SGCZ: variants seen among roughly 807,000 people sequenced by gnomAD.
SGCZ encodes the protein sarcoglycan zeta, also known as zeta-sarcoglycan.
In SGCZ, 40 loss-of-function variants were observed where a neutral mutation model predicts 41.3. The ratio of observed to expected loss-of-function variants is 0.97; its 90% CI spans 0.75 to 1.26. SGCZ has a LOEUF of 1.26. Among genes scored for constraint, SGCZ ranks in the 50% most tolerant of loss-of-function variants. The probability of loss-of-function intolerance (pLI) is 0.00; values close to 1 mark genes in which losing one functional copy is unlikely to be tolerated. For missense variants in SGCZ, 552 were observed against 369.8 expected (o/e 1.49, Z -4.04); for synonymous variants, 206 against 137.5 (o/e 1.50, Z -3.49).
intron 1 of SGCZ, among the ~76,000 whole-genome samples, chr8:14,798,899 C>T (rs893494130): frequency 6.7e-5 from 10 of 149,646 alleles, no homozygotes; most frequent in African/African-American, 2.5e-4. Context: ...TAATATGTTA[C>T]ATAATTAATA....
chr8:14,954,312 T>G (rs1012390768), intron 1 of SGCZ, among the ~76,000 whole-genome samples: 5 of 152,182 alleles, frequency 3.3e-5, no homozygotes, highest in African/African-American at 1.2e-4. Context: ...GATCAAAGAT[T>G]TGGAATTACA....
chr8:14,110,465 A>G (rs1802338167), intron 5 of SGCZ, among the ~76,000 whole-genome samples: 1 of 152,200 alleles, frequency 6.6e-6, no homozygotes, highest in Non-Finnish European at 1.5e-5. Context: ...AGTGAGAATT[A>G]AAAACTGATA....
At chr8:14,361,791 C>G (rs1205860031) in intron 2 of SGCZ, among the ~76,000 whole-genome samples, 1 of 152,176 alleles carries the variant, frequency 6.6e-6, no homozygotes. Context: ...AGCCTTTCTG[C>G]TCTGGTTTCT....
intron 1 of SGCZ, among the ~76,000 whole-genome samples, chr8:15,076,353 A>T (rs1440273988): frequency 6.6e-6 from 1 of 152,186 alleles, no homozygotes; most frequent in Non-Finnish European, 1.5e-5. Context: ...GAGACAGAGC[A>T]AGGGGGTAGC....
At chr8:14,850,821 C>A (rs1379313918) in intron 1 of SGCZ, among the ~76,000 whole-genome samples, 6 of 152,082 alleles carry the variant, frequency 3.9e-5, no homozygotes, top group Non-Finnish European at 7.4e-5. Context: ...AAAAGAGGAT[C>A]TTTTGCTTCA....
At chr8:15,005,736 T>C (rs1005079753) in intron 1 of SGCZ, among the ~76,000 whole-genome samples, 7 of 152,092 alleles carry the variant, frequency 4.6e-5, no homozygotes, top group African/African-American at 1.7e-4. Context: ...AGAAGCAAAT[T>C]GAACCTTAGC....
intron 1 of SGCZ, among the ~76,000 whole-genome samples, chr8:14,926,537 T>G (rs1014260845): frequency 6.6e-6 from 1 of 152,222 alleles, no homozygotes; most frequent in African/African-American, 2.4e-5. Flanking sequence ...AAATTGTATT[T>G]CACCATCCTG....
chr8:14,623,301 A>T (rs1006486324), intron 1 of SGCZ, among the ~76,000 whole-genome samples: 1 of 152,220 alleles, frequency 6.6e-6, no homozygotes, highest in African/African-American at 2.4e-5. Context: ...AGTTTGCACC[A>T]AAACAAAATT....
chr8:14,255,708 G>A (rs1799439280), intron 3 of SGCZ, among the ~76,000 whole-genome samples: 1 of 152,030 alleles, frequency 6.6e-6, no homozygotes, highest in Admixed American at 6.6e-5. Flanking sequence ...ATTAATGAAT[G>A]AAAGAGGTTC....
intron 1 of SGCZ, among the ~76,000 whole-genome samples, chr8:14,985,765 T>C (rs188746158): frequency 6.4e-4 from 97 of 152,274 alleles, no homozygotes; most frequent in African/African-American, 2.2e-3. Flanking sequence ...TGAAGAACAT[T>C]CTGTGAAACA....
chr8:15,216,959 T>C (rs1801424071), intron 1 of SGCZ, among the ~76,000 whole-genome samples: 1 of 152,124 alleles, frequency 6.6e-6, no homozygotes, highest in Admixed American at 6.5e-5. Flanking sequence ...GGGTAAAGAA[T>C]CTTACCATCA....
intron 1 of SGCZ, among the ~76,000 whole-genome samples, chr8:14,605,216 A>G (rs1388579327): frequency 6.6e-6 from 1 of 152,136 alleles, no homozygotes; most frequent in East Asian, 1.9e-4. Context: ...ATTAAAAATT[A>G]CGTCTAGTAC....
intron 2 of SGCZ, among the ~76,000 whole-genome samples, chr8:14,403,363 G>A (rs1799129715): frequency 6.6e-6 from 1 of 150,972 alleles, no homozygotes; most frequent in Non-Finnish European, 1.5e-5. Context: ...TCCCTGTCTT[G>A]TGCCACTTTT....
chr8:15,125,713 G>A (rs1807653498), intron 1 of SGCZ, among the ~76,000 whole-genome samples: 1 of 152,036 alleles, frequency 6.6e-6, no homozygotes, highest in Admixed American at 6.5e-5. Flanking sequence ...TATAATAAAT[G>A]ACTGTTCATT....
At chr8:14,798,474 G>C (rs895981102) in intron 1 of SGCZ, among the ~76,000 whole-genome samples, 1 of 151,938 alleles carries the variant, frequency 6.6e-6, no homozygotes, top group African/African-American at 2.4e-5. Flanking sequence ...ACTTACAGAA[G>C]ACAGAAAAAT....
At chr8:15,135,782 T>C (rs6984881) in intron 1 of SGCZ, among the ~76,000 whole-genome samples, 88,292 of 151,830 alleles carry the variant, frequency 0.58, 26,883 homozygotes, top group Admixed American at 0.73. Context: ...GAGGGTGAGC[T>C]GGTGGGGTTA....
intron 1 of SGCZ, among the ~76,000 whole-genome samples, chr8:14,847,857 C>T (rs899110352): frequency 6.6e-6 from 1 of 151,404 alleles, no homozygotes; most frequent in Admixed American, 6.6e-5. Context: ...CTGTCTGCTC[C>T]CACCATCTCT....
chr8:14,785,438 G>A (rs137886763), intron 1 of SGCZ, among the ~76,000 whole-genome samples: 269 of 151,948 alleles, frequency 1.8e-3, no homozygotes, highest in African/African-American at 2.4e-3. Flanking sequence ...CATACATAAC[G>A]ATACCAAAAT....
At chr8:15,155,549 C>T (rs781003674) in intron 1 of SGCZ, among the ~76,000 whole-genome samples, 4 of 152,054 alleles carry the variant, frequency 2.6e-5, no homozygotes, top group Admixed American at 6.6e-5. Flanking sequence ...GCAATGTATA[C>T]GAAACCAGCC....
Sources: gnomAD v4.1 joint callset for allele counts (sites outside exome capture counted in the v4.1 genomes callset) on GRCh38, gnomAD v4.1.1 for gene constraint, MANE v1.5 for transcripts, NCBI Gene and HGNC (gene_info 2026-07-23, HGNC 2026-07-21) for gene names.